POLE2: variants seen among roughly 807,000 people sequenced by gnomAD.
POLE2 encodes the protein DNA polymerase epsilon 2, accessory subunit, also known as DNA polymerase epsilon subunit 2.
A neutral mutation model predicts 79.4 loss-of-function variants in POLE2; 56 were observed. The observed-to-expected ratio is 0.71, with a 90% CI of 0.57 to 0.88. The LOEUF (loss-of-function observed/expected upper bound fraction) is 0.88, where lower values mean the gene tolerates loss of function less well. POLE2 is among the 40% of genes least tolerant of loss of function. The pLI, the probability that POLE2 is intolerant of heterozygous loss-of-function variation, is 0.00. For synonymous variants in POLE2, 212 were observed against 214.0 expected (o/e 0.99, Z 0.08); for missense variants, 598 against 638.9 (o/e 0.94, Z 0.69).
At chr14:49,680,784 C>T (rs1886645217) in intron 2 of POLE2, among the ~76,000 whole-genome samples, 1 of 150,562 alleles carries the variant, frequency 6.6e-6, no homozygotes, top group African/African-American at 2.4e-5. Context: ...GACGGAGTCT[C>T]GCTCTGTCAG....
intron 3 of POLE2, chr14:49,677,576 C>T (rs1316562840): frequency 2.0e-5 from 10 of 493,164 alleles, no homozygotes; most frequent in Non-Finnish European, 3.6e-6. Flanking sequence ...TCCTACTGAG[C>T]CCTAGAGCTC....
chr14:49,677,822 A>G (rs995601198), intron 3 of POLE2: 9 of 514,606 alleles, frequency 1.7e-5, no homozygotes, highest in Non-Finnish European at 2.6e-5. Context: ...GCACCCTCAC[A>G]ATGCTTGCCT....
intron 5 of POLE2, among the ~76,000 whole-genome samples, chr14:49,672,993 C>A (rs1886006584): frequency 6.6e-6 from 1 of 152,182 alleles, no homozygotes; most frequent in African/African-American, 2.4e-5. Context: ...CTATCACCTT[C>A]TACAACATTC....
chr14:49,659,259 C>A (rs1884929460), intron 10 of POLE2, among the ~76,000 whole-genome samples: 1 of 138,806 alleles, frequency 7.2e-6, no homozygotes, highest in African/African-American at 3.0e-5. Context: ...CCAATCCCTA[C>A]ACAATTTTTT....
chr14:49,646,362 G>A (rs1883778340), intron 18 of POLE2, among the ~76,000 whole-genome samples: 1 of 129,676 alleles, frequency 7.7e-6, no homozygotes, highest in Admixed American at 8.9e-5. Flanking sequence ...CTGTTGCCCA[G>A]GCTGGAGTGC....
intron 6 of POLE2, among the ~76,000 whole-genome samples, chr14:49,668,201 C>T (rs1375579172): frequency 2.6e-5 from 4 of 151,880 alleles, no homozygotes; most frequent in South Asian, 2.1e-4. Flanking sequence ...ACCTGGGAAG[C>T]GGAGGTTGCA....
chr14:49,645,240 A>G (rs1315467656), intron 18 of POLE2, among the ~76,000 whole-genome samples: 3 of 149,828 alleles, frequency 2.0e-5, no homozygotes, highest in Non-Finnish European at 3.0e-5. Flanking sequence ...TACATGTGAG[A>G]ATGTGTATTT....
chr14:49,685,206 T>C (rs540352493), intron 1 of POLE2, among the ~76,000 whole-genome samples: 54 of 152,348 alleles, frequency 3.5e-4, no homozygotes, highest in African/African-American at 1.2e-3. Context: ...ATTATTGTTA[T>C]AGCCATAACA....
chr14:49,654,784 CT>C lies in POLE2; in HGVS notation c.1072del (p.Ser358ValfsTer62), dbSNP rs1884527159. On this transcript the variant is annotated frameshift_variant and splice_region_variant, in exon 13 of 19. Transcript: ENST00000216367. LOFTEE classifies it high-confidence loss of function. ...IICEYPDIHQSSRFVFVPGPE... is the reference protein window; with the variant it reads ...IICEYPDIHQXSRFVFVPGPE... Reference sequence around the variant, plus strand: ...AATATATAGTGCTAGAGATCATTACCTTTGGTGAATATCTGGGTATTCACAT... The same window carrying C: ...AATATATAGTGCTAGAGATCATTACCTTGGTGAATATCTGGGTATTCACAT... 6.7e-7 allele frequency: 1 copy of C among 1,482,196 alleles called. No individual in the cohort carries two copies. The allele number at this position is 1,482,196 out of a possible 1,614,324, so 91.8% of individuals were successfully genotyped here.
rs369562612 is a variant in POLE2, at chr14:49,664,510, A to G, written c.682+116T>C. On this transcript the variant is annotated intron_variant, in intron 9 of 18. Coordinates refer to ENST00000216367, the MANE Select transcript of POLE2 (RefSeq NM_002692.4). ...CAGTCTAAGAGTTATTTTGCCAAAA[A>G]TATGCTCTTCTAATTAATGGTATCC... The G allele has an allele frequency of 3.6e-4, 267 of 732,994 alleles. 7 individuals are homozygous for G. In the South Asian group the frequency reaches 4.2e-3, roughly 12 times the overall value. The allele number at this position is 732,994 out of a possible 1,614,324, so 45.4% of individuals were successfully genotyped here.
At chr14:49,655,458 AACACACACACACACAC>A (rs35575577) in intron 11 of POLE2, among the ~76,000 whole-genome samples, 197 bp downstream of exon 11, 1 of 143,396 alleles carries the variant, frequency 7.0e-6, no homozygotes, top group South Asian at 2.3e-4. Context: ...CATGACTATA[AACACACACACACACAC>A]ACACACACAC....
intron 3 of POLE2, among the ~76,000 whole-genome samples, chr14:49,679,194 T>A (rs1043092402): frequency 2.0e-5 from 3 of 151,990 alleles, no homozygotes; most frequent in Non-Finnish European, 4.4e-5. Flanking sequence ...TGCCATCAAT[T>A]TGTATAGAAG....
At chr14:49,679,908 C>T in intron 2 of POLE2, 108 bp from the exon 3 acceptor site, 1 of 636,126 alleles carries the variant, frequency 1.6e-6, no homozygotes, top group Non-Finnish European at 2.9e-6. Flanking sequence ...TACTGAGATT[C>T]TCATTATACA....
intron 6 of POLE2, among the ~76,000 whole-genome samples, chr14:49,668,262 T>C (rs1885629185): frequency 6.6e-6 from 1 of 151,364 alleles, no homozygotes; most frequent in South Asian, 2.1e-4. Flanking sequence ...AGAGCAAGAC[T>C]CTGCCAGAAA....
chr14:49,648,366 G>T (rs1455257847), intron 17 of POLE2, among the ~76,000 whole-genome samples: 1 of 152,078 alleles, frequency 6.6e-6, no homozygotes, highest in Non-Finnish European at 1.5e-5. Context: ...GATGGTGTAG[G>T]AGGTGGTGGT....
At chr14:49,672,518 A>G (rs1885970417) in intron 5 of POLE2, among the ~76,000 whole-genome samples, 1 of 137,474 alleles carries the variant, frequency 7.3e-6, no homozygotes, top group South Asian at 2.2e-4. Flanking sequence ...TTTTTTTTTG[A>G]GACGGAGTTT....
intron 17 of POLE2, among the ~76,000 whole-genome samples, chr14:49,649,681 C>G (rs1274185717): frequency 1.2e-4 from 18 of 151,900 alleles, no homozygotes; most frequent in Admixed American, 1.2e-3. Flanking sequence ...GAACTCCTGA[C>G]CTCGTGATCC....
At chr14:49,655,649 GA>G in intron 11 of POLE2, 21 bp downstream of exon 11, 1 of 1,561,146 alleles carries the variant, frequency 6.4e-7, no homozygotes, top group Non-Finnish European at 8.7e-7. Context: ...GTTCAAGAAA[GA>G]AGAAAAAAAA....
At chr14:49,677,470 A>T in intron 3 of POLE2, 1 of 475,650 alleles carries the variant, frequency 2.1e-6, no homozygotes, top group Non-Finnish European at 3.8e-6. Context: ...AGCCAGTTTT[A>T]ATACACTTGG....
Sources: allele counts gnomAD v4.1 joint callset (sites outside exome capture counted in the v4.1 genomes callset), GRCh38; gene constraint gnomAD v4.1.1; transcripts MANE v1.5; gene names NCBI Gene and HGNC (gene_info 2026-07-23, HGNC 2026-07-21).